The following GARNL3 variants were observed in gnomAD, a reference collection of about 807,000 sequenced individuals.
The protein encoded by GARNL3 is GTPase-activating Rap/Ran-GAP domain-like protein 3.
GARNL3 carries 63 observed loss-of-function variants against 125.0 expected under a neutral mutation model. The observed-to-expected ratio is 0.50, with a 90% CI of 0.41 to 0.62. The LOEUF (loss-of-function observed/expected upper bound fraction) is 0.62. Among genes scored for constraint, GARNL3 ranks in the 20% least tolerant of loss-of-function variants. The pLI is 0.00. For missense variants in GARNL3, 994 were observed against 1,244.0 expected, an observed-to-expected ratio of 0.80 and a Z score of 3.02; for synonymous variants, 439 against 457.5, an observed-to-expected ratio of 0.96 and a Z score of 0.52.
intron 1 of GARNL3, among the ~76,000 whole-genome samples, chr9:127,277,004 C>T (rs2063974172): frequency 6.6e-6 from 1 of 152,172 alleles, no homozygotes; most frequent in Admixed American, 6.5e-5. Context: ...TAGGGGGTGT[C>T]CCCCAACTCC....
intron 1 of GARNL3, among the ~76,000 whole-genome samples, chr9:127,277,914 T>C (rs2131319153): frequency 6.6e-6 from 1 of 152,340 alleles, no homozygotes; most frequent in East Asian, 1.9e-4. Context: ...GGGCATTTTT[T>C]ACCTGTCCTA....
rs970801676 is a variant in GARNL3, at chr9:127,255,057, G to A, written c.144-9895G>A. Among the ~76,000 whole-genome samples, 8 of 152,178 alleles carry A rather than the reference G, an allele frequency of 5.3e-5. 1 individual carries two copies. The South Asian group carries it at 1.7e-3, about 31-fold the overall frequency. On this transcript the variant is annotated intron_variant, in intron 2 of 10. Coordinates refer to the GARNL3 transcript ENST00000439286. ...GAATGCATATGCTGCTCATGAGAGG[G>A]TAAATTGGCGTACTCACTTCGGAAA...
At chr9:127,345,232 G>T (rs1052351971) in intron 15 of GARNL3, among the ~76,000 whole-genome samples, 171 bp from the exon 16 acceptor site, 3 of 152,170 alleles carry the variant, frequency 2.0e-5, no homozygotes, top group Non-Finnish European at 4.4e-5. Context: ...TGTCATTAAG[G>T]CTTCACTGTG....
upstream of GARNL3, among the ~76,000 whole-genome samples, chr9:127,262,789 AT>A (rs1226620451): frequency 6.6e-6 from 1 of 152,248 alleles, no homozygotes; most frequent in Non-Finnish European, 1.5e-5. Context: ...CATTTACTGC[AT>A]GTCCACTATG....
intron 16 of GARNL3, among the ~76,000 whole-genome samples, chr9:127,347,183 G>A (rs1830184681): frequency 6.6e-6 from 1 of 152,186 alleles, no homozygotes; most frequent in African/African-American, 2.4e-5. Context: ...ACTTTGGGAG[G>A]TTGAGGCCGG....
At chr9:127,330,824 G>A (rs564677842) in intron 7 of GARNL3, among the ~76,000 whole-genome samples, 12 of 152,304 alleles carry the variant, frequency 7.9e-5, no homozygotes, top group African/African-American at 2.4e-4. Context: ...CAGTTTGGGA[G>A]TGTCCTCTCT....
intron 21 of GARNL3, among the ~76,000 whole-genome samples, chr9:127,361,175 A>G (rs1286340349): frequency 6.6e-6 from 1 of 152,190 alleles, no homozygotes; most frequent in Non-Finnish European, 1.5e-5. Flanking sequence ...CACTTGTTAC[A>G]AGTCTGTGTT....
intron 15 of GARNL3, among the ~76,000 whole-genome samples, chr9:127,344,837 C>T (rs1830053816): frequency 6.6e-6 from 1 of 152,292 alleles, no homozygotes; most frequent in African/African-American, 2.4e-5. Flanking sequence ...GAGAAAATCA[C>T]TCCCTTTGCC....
chr9:127,333,177 C>G, intron 9 of GARNL3, 56 bp downstream of exon 9: 1 of 1,390,578 alleles, frequency 7.2e-7, no homozygotes, highest in South Asian at 1.2e-5. Flanking sequence ...TGTAAGTCAG[C>G]CTGACCCGTG....
At chr9:127,255,723 A>G (rs574552969) in intron 2 of GARNL3, among the ~76,000 whole-genome samples, 103 of 152,342 alleles carry the variant, frequency 6.8e-4, no homozygotes, top group African/African-American at 2.4e-3. Context: ...TCAGATTTCA[A>G]TGTGCATATG....
intron 1 of GARNL3, among the ~76,000 whole-genome samples, chr9:127,282,656 T>G (rs919450705): frequency 6.6e-6 from 1 of 152,206 alleles, no homozygotes; most frequent in Non-Finnish European, 1.5e-5. Context: ...GGATGTACTT[T>G]ACATAATCTT....
At chr9:127,227,390 C>T (rs1349010730) in intron 1 of GARNL3, among the ~76,000 whole-genome samples, 1 of 152,160 alleles carries the variant, frequency 6.6e-6, no homozygotes, top group Admixed American at 6.5e-5. Flanking sequence ...CATTTGAGGT[C>T]AGGAGTTTGA....
rs1305806410 is a variant in GARNL3 at position 127,391,721 on chromosome 9, C to G, written c.2870+954C>G. Among the ~76,000 whole-genome samples the G allele has an allele frequency of 2.7e-5, 4 of 146,662 alleles. No homozygotes were observed. The East Asian group carries it at 7.9e-4, about 29-fold the overall frequency. ...GTGTCAAAAAAAAAAAAAAAAAACA[C>G]TTAGTAAGACTGCAGGGAAACAGGT... On this transcript the variant is annotated intron_variant, in intron 27 of 27. Transcript: ENST00000373387.
intron 22 of GARNL3, among the ~76,000 whole-genome samples, chr9:127,373,321 C>T (rs1831707950): frequency 6.6e-6 from 1 of 152,094 alleles, no homozygotes. Context: ...GATCAGGTGG[C>T]CTACATGAGC....
chr9:127,320,671 T>G (rs756742711), intron 5 of GARNL3, 44 bp from the exon 6 acceptor site: 3 of 1,416,386 alleles, frequency 2.1e-6, no homozygotes. Context: ...AGCTCCTTTT[T>G]AGCTTCTCTG....
intron 17 of GARNL3, among the ~76,000 whole-genome samples, chr9:127,349,417 A>G (rs1445224968): frequency 6.6e-6 from 1 of 152,194 alleles, no homozygotes; most frequent in Non-Finnish European, 1.5e-5. Flanking sequence ...AGTCTTAAAA[A>G]AAAAAAAAAG....
intron 22 of GARNL3, among the ~76,000 whole-genome samples, chr9:127,373,441 G>A (rs2131765341): frequency 6.6e-6 from 1 of 152,344 alleles, no homozygotes; most frequent in South Asian, 2.1e-4. Flanking sequence ...CCTAGATGCT[G>A]TTATACTGGC....
intron 2 of GARNL3, among the ~76,000 whole-genome samples, chr9:127,305,819 T>G (rs2064939145): frequency 6.6e-6 from 1 of 152,144 alleles, no homozygotes; most frequent in Non-Finnish European, 1.5e-5. Context: ...AGGCTAGTCT[T>G]GAACTCCTGG....
At chr9:127,350,226 CTG>C (rs1344698094) in intron 17 of GARNL3, among the ~76,000 whole-genome samples, 1 of 152,078 alleles carries the variant, frequency 6.6e-6, no homozygotes, top group Non-Finnish European at 1.5e-5. Context: ...TGATTGGAAA[CTG>C]TGATCTGAAA....
Sources: allele counts gnomAD v4.1 joint callset (sites outside exome capture counted in the v4.1 genomes callset), GRCh38; gene constraint gnomAD v4.1.1; transcripts MANE v1.5; gene names NCBI Gene and HGNC (gene_info 2026-07-23, HGNC 2026-07-21).